The following ZNF131 variants were observed in gnomAD, a reference collection of about 807,000 sequenced individuals.
ZNF131 encodes the protein zinc finger protein 131.
ZNF131 carries 7 observed loss-of-function variants against 60.0 expected under a neutral mutation model. The ratio of observed to expected loss-of-function variants is 0.12; its 90% CI spans 0.07 to 0.22. ZNF131 has a LOEUF of 0.22. Among genes scored for constraint, ZNF131 ranks in the 10% least tolerant of loss-of-function variants. ZNF131 has a pLI of 1.00. For synonymous variants in ZNF131, 257 were observed against 253.2 expected, an observed-to-expected ratio of 1.01 and a Z score of -0.14; for missense variants, 493 against 740.9, an observed-to-expected ratio of 0.67 and a Z score of 3.88.
intron 4 of ZNF131, among the ~76,000 whole-genome samples, chr5:43,145,690 C>T (rs1304396331): frequency 1.3e-5 from 2 of 152,054 alleles, no homozygotes; most frequent in Non-Finnish European, 2.9e-5. Context: ...TTACAATTTA[C>T]CTCAACACTT....
intron 3 of ZNF131, among the ~76,000 whole-genome samples, chr5:43,138,433 A>G (rs1746406754): frequency 6.6e-6 from 1 of 152,148 alleles, no homozygotes; most frequent in South Asian, 2.1e-4. Flanking sequence ...CGGGCAGATC[A>G]CTTGAGGTCG....
rs765959932 is a variant in ZNF131, at chr5:43,130,263, C to CAAAAAAAAAAAAAA, written c.226+6953_226+6954insAAAAAAAAAAAAAA. On this transcript the variant is annotated intron_variant, in intron 3 of 6. Coordinates refer to ENST00000682664, the MANE Select transcript of ZNF131 (RefSeq NM_001330707.2). ...TGAGCGATAGAGTAAGACTCTGTCT[C>CAAAAAAAAAAAAAA]CAAAAAAAAAAAAAAAAAAGAGGAA... Among the ~76,000 whole-genome samples, 70 of 33,124 alleles carry CAAAAAAAAAAAAAA rather than the reference C, an allele frequency of 2.1e-3. 10 individuals are homozygous for CAAAAAAAAAAAAAA. Among genetic ancestry groups the CAAAAAAAAAAAAAA allele is most frequent in the Admixed American group, 4.3e-3 (10 of 2,332 alleles). 21.7% of individuals were successfully genotyped at this position (33,124 alleles called of 152,430 possible).
In ZNF131 at chr5:43,175,427, G is replaced by A. The variant is rs1241564170; in HGVS notation, c.*294G>A. The A allele has an allele frequency of 4.3e-6, 3 of 696,594 alleles. No individual in the cohort carries two copies. Among genetic ancestry groups the A allele is most frequent in the South Asian group, 3.0e-5 (2 of 65,982 alleles). 43.2% of individuals were successfully genotyped at this position (696,594 alleles called of 1,614,324 possible). A position where few individuals can be genotyped will look rare whatever the true frequency, so the allele number is the denominator to read the frequency against. On this transcript the variant is annotated 3_prime_UTR_variant, in exon 7 of 7. Coordinates refer to ENST00000682664, the MANE Select transcript of ZNF131 (RefSeq NM_001330707.2). ...TACGAATGTATCTATTTTCATTGTG[G>A]TAAAAGTTCTTCCTTTTCTCTTTCC...
chr5:43,154,814 G>A (rs770613635), intron 4 of ZNF131, among the ~76,000 whole-genome samples: 9 of 152,120 alleles, frequency 5.9e-5, no homozygotes, highest in South Asian at 4.1e-4. Flanking sequence ...AGATAATTCC[G>A]GCAACAGCTG....
intron 5 of ZNF131, among the ~76,000 whole-genome samples, chr5:43,169,037 T>C (rs1467599164): frequency 6.6e-6 from 1 of 152,220 alleles, no homozygotes; most frequent in African/African-American, 2.4e-5. Context: ...AGGTAACCTT[T>C]AGCCATGTTT....
chr5:43,138,406 C>T (rs1225789454), intron 3 of ZNF131, among the ~76,000 whole-genome samples: 1 of 152,066 alleles, frequency 6.6e-6, no homozygotes. Context: ...GTAATCCCAG[C>T]ACTTTGGGAG....
chr5:43,143,946 G>A (rs534953846), intron 4 of ZNF131, among the ~76,000 whole-genome samples: 14 of 104,464 alleles, frequency 1.3e-4, no homozygotes, highest in Non-Finnish European at 1.7e-4. Flanking sequence ...TCCTTGAGAC[G>A]GAGTCTCGCT....
intron 3 of ZNF131, chr5:43,123,564 G>A: frequency 3.1e-6 from 1 of 320,908 alleles, no homozygotes; most frequent in East Asian, 5.7e-5. Context: ...GATGGTAGAT[G>A]TTGGTCTTTT....
At chr5:43,142,017 T>G (rs913912060) in intron 4 of ZNF131, among the ~76,000 whole-genome samples, 1 of 151,948 alleles carries the variant, frequency 6.6e-6, no homozygotes, top group Non-Finnish European at 1.5e-5. Context: ...TACTGTTTCT[T>G]TGTATGTCTC....
At chr5:43,172,514 C>T (rs1280956006) in intron 5 of ZNF131, among the ~76,000 whole-genome samples, 2 of 151,408 alleles carry the variant, frequency 1.3e-5, no homozygotes, top group Non-Finnish European at 2.9e-5. Context: ...CCCAGCTACT[C>T]GGGAGGCTGA....
At chr5:43,124,075 C>G (rs1183139352) in intron 3 of ZNF131, 1 of 150,324 alleles carries the variant, frequency 6.7e-6, no homozygotes, top group Non-Finnish European at 1.5e-5. Context: ...CCTGGGGCAA[C>G]ATAGACCCTG....
intron 3 of ZNF131, among the ~76,000 whole-genome samples, chr5:43,131,762 A>G (rs1745381459): frequency 6.6e-6 from 1 of 151,968 alleles, no homozygotes; most frequent in Non-Finnish European, 1.5e-5. Context: ...TAATTCACCC[A>G]TCCTACCACC....
chr5:43,138,137 G>A (rs561637076), intron 3 of ZNF131, among the ~76,000 whole-genome samples: 6 of 152,268 alleles, frequency 3.9e-5, no homozygotes, highest in Middle Eastern at 3.4e-3. Flanking sequence ...TTTCAATTGC[G>A]CAAGATGAAT....
chr5:43,157,758 C>T (rs978386480), intron 4 of ZNF131, among the ~76,000 whole-genome samples: 4 of 152,206 alleles, frequency 2.6e-5, no homozygotes, highest in African/African-American at 9.7e-5. Flanking sequence ...GCCATGATCC[C>T]TCCCAAGACA....
chr5:43,173,552 C>T lies in ZNF131; in HGVS notation c.1185+104C>T, dbSNP rs192070070. The T allele has an allele frequency of 1.4e-3, 1,945 of 1,353,444 alleles. 2 individuals are homozygous for T. The highest frequency in any genetic ancestry group is 2.2e-3 in the Admixed American group (83 of 37,762). 83.8% of individuals were successfully genotyped at this position (1,353,444 alleles called of 1,614,324 possible). A position where few individuals can be genotyped will look rare whatever the true frequency, so the allele number is the denominator to read the frequency against. On this transcript the variant is annotated intron_variant, in intron 6 of 6. Coordinates refer to ENST00000682664, the MANE Select transcript of ZNF131 (RefSeq NM_001330707.2). ...TCTCAAGCAAAGGTATAGGGGCTGACGGTTTGGAAAGAAATGAGAATAAAG... is the reference window on the plus strand; with the variant it reads ...TCTCAAGCAAAGGTATAGGGGCTGATGGTTTGGAAAGAAATGAGAATAAAG...
At chr5:43,167,015 T>A (rs188100829) in intron 5 of ZNF131, among the ~76,000 whole-genome samples, 1 of 152,308 alleles carries the variant, frequency 6.6e-6, no homozygotes, top group Non-Finnish European at 1.5e-5. Context: ...TTAATTGATC[T>A]GATTTCAATA....
rs773335890 is a variant in ZNF131, at chr5:43,123,190, T to C, written c.125-19T>C. 6.4e-7 allele frequency: 1 copy of C among 1,568,250 alleles called. No homozygotes were observed. Among genetic ancestry groups the C allele is most frequent in the South Asian group, 1.2e-5 (1 of 83,640 alleles). ...TCGTGCTTGTGTATGATTTTCTTTT[T>C]TTTTCTTATTTTACCTAGGACACCA... On this transcript the variant is annotated intron_variant, in intron 2 of 6. Coordinates refer to ENST00000682664, the MANE Select transcript of ZNF131 (RefSeq NM_001330707.2).
intron 4 of ZNF131, among the ~76,000 whole-genome samples, chr5:43,153,775 AC>A (rs1254174259): frequency 6.6e-6 from 1 of 152,182 alleles, no homozygotes; most frequent in African/African-American, 2.4e-5. Flanking sequence ...CTTTCTAGGG[AC>A]AGCTAAATTC....
intron 3 of ZNF131, among the ~76,000 whole-genome samples, chr5:43,130,063 C>T (rs1313219077): frequency 2.0e-5 from 3 of 151,098 alleles, no homozygotes; most frequent in Admixed American, 6.6e-5. Flanking sequence ...CTCAGGAGTT[C>T]GAGACCAGCC....
Sources: allele counts gnomAD v4.1 joint callset (sites outside exome capture counted in the v4.1 genomes callset), GRCh38; gene constraint gnomAD v4.1.1; transcripts MANE v1.5; gene names NCBI Gene and HGNC (gene_info 2026-07-23, HGNC 2026-07-21).